Variants in PRUNE2 observed in about 807,000 individuals in gnomAD.
PRUNE2 encodes protein prune homolog 2.
In PRUNE2, 164 loss-of-function variants were observed where a neutral mutation model predicts 252.0. The ratio of observed to expected loss-of-function variants is 0.65; its 90% CI spans 0.57 to 0.74. The LOEUF (loss-of-function observed/expected upper bound fraction) is 0.74. Ranked by LOEUF, PRUNE2 falls within the 30% of genes least tolerant of loss-of-function variation. The pLI is 0.00. For missense variants in PRUNE2, 3,495 were observed against 3,711.0 expected, an observed-to-expected ratio of 0.94 and a Z score of 1.51; for synonymous variants, 1,292 against 1,350.2, an observed-to-expected ratio of 0.96 and a Z score of 0.94.
chr9:76,810,308 AAAT>A (rs1344702034), intron 6 of PRUNE2, among the ~76,000 whole-genome samples: 1 of 152,214 alleles, frequency 6.6e-6, no homozygotes, highest in Non-Finnish European at 1.5e-5. Flanking sequence ...TTCAATGAGA[AAAT>A]AAAAATCAAA....
chr9:76,878,821 T>C (rs1251606886), intron 1 of PRUNE2, among the ~76,000 whole-genome samples: 1 of 152,226 alleles, frequency 6.6e-6, no homozygotes, highest in Admixed American at 6.5e-5. Context: ...AAAGTGTATA[T>C]TATTAAATAC....
At chr9:76,753,918 A>G (rs2050862931) in intron 6 of PRUNE2, among the ~76,000 whole-genome samples, 1 of 112,936 alleles carries the variant, frequency 8.9e-6, no homozygotes, top group Non-Finnish European at 1.9e-5. Flanking sequence ...ACTCTGTCTC[A>G]GAAAAAAAAA....
intron 2 of PRUNE2, among the ~76,000 whole-genome samples, chr9:76,851,423 C>A (rs945849224): frequency 6.6e-6 from 1 of 152,102 alleles, no homozygotes; most frequent in Non-Finnish European, 1.5e-5. Flanking sequence ...TGGCAGGTAT[C>A]TGTAGTCCCA....
At chr9:76,902,773 C>T (rs1355189522) in intron 1 of PRUNE2, among the ~76,000 whole-genome samples, 1 of 152,164 alleles carries the variant, frequency 6.6e-6, no homozygotes, top group Non-Finnish European at 1.5e-5. Flanking sequence ...AAGTCAGGCC[C>T]ACATGAGAAG....
Position 76,706,137 on chromosome 9 carries a change from C to G in PRUNE2, c.6137G>C (p.Gly2046Ala), listed in dbSNP as rs765235525. The G allele has an allele frequency of 6.2e-7, 1 of 1,613,870 alleles. No homozygotes were observed. Residue 2046 changes from glycine to alanine, a missense_variant, in exon 8 of 19, where the codon GGT (glycine) becomes GCT (alanine). Physicochemically the swap from Gly to Ala is moderately conservative, Grantham distance 60. Coordinates refer to ENST00000376718, the MANE Select transcript of PRUNE2 (RefSeq NM_015225.3). The part of the protein sequence containing the change: ...DGSTPSEDSR[G>A]TFVPDILHGN... ...ATGTAAAATATCTGGCACAAAGGTA[C>G]CTCGGGAGTCCTCACTTGGGGTAGA...
chr9:76,905,992 ACT>A lies in PRUNE2; in HGVS notation c.-31_-30del. The A allele has an allele frequency of 6.2e-7, 1 of 1,613,320 alleles. No individual in the cohort carries two copies. Among genetic ancestry groups the A allele is most frequent in the South Asian group, 1.1e-5 (1 of 91,056 alleles). ...GTGGCTAGGGGTTTGGAACCCGGGT[ACT>A]CGGAGGGGCGCAGTGGAAAATCTCG... On this transcript the variant is annotated 5_prime_UTR_variant, in exon 1 of 19. Transcript: ENST00000376718.
rs531242494 is a variant in PRUNE2 at position 76,889,160 on chromosome 9, G to A, written c.36+16768C>T. Reference sequence around the variant, plus strand: ...CCCCACCGTGCCCGGTCGTTTTAACGTATTTATGGTCCTTCCTTGCTGCCA... The same window carrying A: ...CCCCACCGTGCCCGGTCGTTTTAACATATTTATGGTCCTTCCTTGCTGCCA... On this transcript the variant is annotated intron_variant, in intron 1 of 18. Coordinates refer to ENST00000376718, the MANE Select transcript of PRUNE2 (RefSeq NM_015225.3). 7.2e-5 allele frequency among the ~76,000 whole-genome samples: 11 copies of A among 152,102 alleles called. No homozygotes were observed. The East Asian group carries it at 7.7e-4, about 11-fold the overall frequency.
rs1002435030 is a variant in PRUNE2 at position 76,803,577 on chromosome 9, G to C, written c.756+20055C>G. ...TTTCATAATCAAAATGTTCAACCCC[G>C]TGTCGTAGTCAAAACTGCAATCTCA... is the stretch of plus-strand genomic sequence containing the variant. On this transcript the variant is annotated intron_variant, in intron 6 of 18. Coordinates refer to ENST00000376718, the MANE Select transcript of PRUNE2 (RefSeq NM_015225.3). 4.6e-5 allele frequency among the ~76,000 whole-genome samples: 7 copies of C among 152,192 alleles called. No homozygotes were observed. In the East Asian group the frequency reaches 1.4e-3, roughly 29 times the overall value.
At chr9:76,731,107 T>C (rs1024913021) in intron 6 of PRUNE2, among the ~76,000 whole-genome samples, 2 of 152,088 alleles carry the variant, frequency 1.3e-5, no homozygotes, top group Non-Finnish European at 2.9e-5. Flanking sequence ...TCTCAGAAGA[T>C]AGCTTAATGA....
At chr9:76,628,160 A>T (rs7035508) in intron 16 of PRUNE2, among the ~76,000 whole-genome samples, 27,344 of 152,198 alleles carry the variant, frequency 0.18, 3,572 homozygotes, top group African/African-American at 0.37. Context: ...ACAAAAAAAA[A>T]GACACACAGA....
intron 11 of PRUNE2, among the ~76,000 whole-genome samples, chr9:76,647,110 A>C (rs1845226535): frequency 6.6e-6 from 1 of 152,210 alleles, no homozygotes; most frequent in South Asian, 2.1e-4. Context: ...CAGGAGGTTG[A>C]GGCTGCAGTG....
At chr9:76,692,600 T>G (rs1398823901) in intron 9 of PRUNE2, 1 of 155,982 alleles carries the variant, frequency 6.4e-6, no homozygotes, top group Non-Finnish European at 1.4e-5. Context: ...GAAGTCCAGC[T>G]TCGGTCCTAG....
chr9:76,828,350 T>C (rs2058465124), intron 4 of PRUNE2, among the ~76,000 whole-genome samples: 1 of 152,166 alleles, frequency 6.6e-6, no homozygotes, highest in African/African-American at 2.4e-5. Context: ...AGGGAAATGT[T>C]GAAAAATTAG....
chr9:76,824,898 TA>T (rs2058254242), intron 5 of PRUNE2, among the ~76,000 whole-genome samples: 1 of 152,206 alleles, frequency 6.6e-6, no homozygotes, highest in South Asian at 2.1e-4. Context: ...ATTGTGACAT[TA>T]AAAGTTTGGT....
chr9:76,661,753 G>A (rs1035905425), intron 9 of PRUNE2, among the ~76,000 whole-genome samples: 2 of 152,082 alleles, frequency 1.3e-5, no homozygotes, highest in Non-Finnish European at 2.9e-5. Flanking sequence ...GGTAAAATCT[G>A]AGTATACCTC....
chr9:76,883,881 A>G (rs2061937045), intron 1 of PRUNE2, among the ~76,000 whole-genome samples: 1 of 152,164 alleles, frequency 6.6e-6, no homozygotes. Context: ...GCTTTGGCCA[A>G]TGGATGGGAG....
chr9:76,770,187 TTGAGGCA>T (rs1014213908), intron 6 of PRUNE2, among the ~76,000 whole-genome samples: 2 of 152,182 alleles, frequency 1.3e-5, no homozygotes, highest in Non-Finnish European at 1.5e-5. Context: ...TTGACTTCAT[TTGAGGCA>T]ACATTCTTTG....
At chr9:76,718,677 C>A (rs1405643271) in intron 6 of PRUNE2, among the ~76,000 whole-genome samples, 1 of 152,118 alleles carries the variant, frequency 6.6e-6, no homozygotes, top group East Asian at 1.9e-4. Context: ...CCTTTCTCTT[C>A]TCTCTTTCCA....
intron 6 of PRUNE2, chr9:76,736,423 G>A (rs906821510): frequency 1.3e-5 from 2 of 152,228 alleles, no homozygotes; most frequent in East Asian, 3.8e-4. Flanking sequence ...AGAATGGTGT[G>A]TTAGTCCATT....
Sources: allele counts gnomAD v4.1 joint callset (sites outside exome capture counted in the v4.1 genomes callset), GRCh38; gene constraint gnomAD v4.1.1; transcripts MANE v1.5; gene names NCBI Gene and HGNC (gene_info 2026-07-23, HGNC 2026-07-21).